Variants in STARD4 observed in about 807,000 individuals in gnomAD.
STARD4 encodes the protein StAR related lipid transfer domain containing 4, also known as stAR-related lipid transfer protein 4.
STARD4 carries 33 observed loss-of-function variants against 24.9 expected under a neutral mutation model. That is an observed-to-expected ratio of 1.32 (90% CI 1.00 to 1.77). The LOEUF (loss-of-function observed/expected upper bound fraction) is 1.77. STARD4 is among the 40% of genes most tolerant of loss of function. The pLI is 0.00. For synonymous variants in STARD4, 88 were observed against 77.4 expected, an observed-to-expected ratio of 1.14 and a Z score of -0.72; for missense variants, 238 against 249.3, an observed-to-expected ratio of 0.95 and a Z score of 0.31.
chr5:111,500,278 C>G, intron 5 of STARD4, 172 bp from the exon 6 acceptor site: 1 of 1,343,290 alleles, frequency 7.4e-7, no homozygotes. Context: ...AAGGAGAATT[C>G]TGACAAGAGG....
chr5:111,501,007 G>T lies in STARD4; in HGVS notation c.392C>A (p.Ser131Tyr). Residue 131 changes from serine to tyrosine, a missense_variant, in exon 5 of 6, where the codon TCT becomes TAT. Transcript: ENST00000296632. ...TAACATGTTGAGATTATTACCACAA[G>T]ATAAAAGCCCTTCTTTATAGCCCAC... ...YTVGYKEGLL[S>Y]CGISLDWDEK... 6.2e-7 allele frequency: 1 copy of T among 1,613,586 alleles called. No individual in the cohort carries two copies. The highest frequency in any genetic ancestry group is 8.5e-7 in the Non-Finnish European group (1 of 1,179,782).
chr5:111,500,773 C>T, intron 5 of STARD4: 5 of 1,436,578 alleles, frequency 3.5e-6, no homozygotes, highest in Non-Finnish European at 4.5e-6. Flanking sequence ...ACATTTGCTA[C>T]CTCTGACCTA....
intron 3 of STARD4, among the ~76,000 whole-genome samples, chr5:111,503,238 C>T (rs1756596271): frequency 6.6e-6 from 1 of 152,124 alleles, no homozygotes; most frequent in Non-Finnish European, 1.5e-5. Context: ...AATGGTGTGC[C>T]TAGATTCAAT....
chr5:111,504,725 G>A (rs1717031114), intron 3 of STARD4, among the ~76,000 whole-genome samples: 4 of 152,116 alleles, frequency 2.6e-5, no homozygotes. Flanking sequence ...GTAGAAGGAG[G>A]TAAAACAAAT....
chr5:111,502,040 G>T lies in STARD4; in HGVS notation c.204C>A (p.Asp68Glu), dbSNP rs762092221. The T allele has an allele frequency of 2.5e-6, 4 of 1,614,080 alleles. No individual in the cohort carries two copies. The highest frequency in any genetic ancestry group is 1.1e-5 in the South Asian group (1 of 91,076). Residue 68 changes from aspartate (D) to glutamate (E), a missense_variant, in exon 4 of 6, where the codon GAC becomes GAA. Physicochemically the swap from Asp to Glu is conservative, Grantham distance 45. Transcript: ENST00000296632. ...VIDDLVYSII[D>E]HIRPGPCRLD... ...AACGACAAGGCCCTGGGCGTATATG[G>T]TCTATTATACTATAGACAAGGTCAT... is the stretch of plus-strand genomic sequence containing the variant.
intron 5 of STARD4, chr5:111,500,722 C>G (rs1465606268): frequency 7.2e-7 from 1 of 1,388,320 alleles, no homozygotes; most frequent in Non-Finnish European, 9.3e-7. Flanking sequence ...AGAAGAAAAT[C>G]CATTTACTAG....
chr5:111,509,027 C>T (rs1206504194), intron 1 of STARD4, among the ~76,000 whole-genome samples: 1 of 151,782 alleles, frequency 6.6e-6, no homozygotes, highest in Non-Finnish European at 1.5e-5. Context: ...AGATCCAATC[C>T]ACGGATGAAA....
At position 111,501,999 on chromosome 5, in the gene STARD4, A is replaced by T; in HGVS notation, c.245T>A (p.Leu82Ter). The T allele has an allele frequency of 6.2e-7, 1 of 1,614,204 alleles. No individual in the cohort carries two copies. The highest frequency in any genetic ancestry group is 8.5e-7 in the Non-Finnish European group (1 of 1,180,034). The change falls in exon 4 of 6, where the codon TTG (leucine) becomes TAG (stop). Residue 82 changes from leucine to a stop codon, truncating the protein, a stop_gained. Transcript: ENST00000296632. LOFTEE classifies it high-confidence loss of function. ...PGPCRLDWDSLMTSLDILENF... is the reference protein window; with the variant it reads ...PGPCRLDWDS ...CTCCAGAATATCCAAAGAAGTCATCAAGCTGTCCCAATCCAAACGACAAGG... is the reference window on the plus strand; with the variant it reads ...CTCCAGAATATCCAAAGAAGTCATCTAGCTGTCCCAATCCAAACGACAAGG...
At chr5:111,510,078 G>A (rs1460926598) in intron 1 of STARD4, among the ~76,000 whole-genome samples, 1 of 152,140 alleles carries the variant, frequency 6.6e-6, no homozygotes, top group Non-Finnish European at 1.5e-5. Flanking sequence ...GGAAGAGAAA[G>A]AAGTACAAAA....
rs1310135683 is a variant in STARD4, at chr5:111,497,720, C to A, written c.*2166G>T. 2.0e-5 allele frequency: 3 copies of A among 151,990 alleles called. No individual in the cohort carries two copies. In the East Asian group the frequency reaches 5.8e-4, roughly 29 times the overall value. 9.4% of individuals were successfully genotyped at this position (151,990 alleles called of 1,614,324 possible). Reference sequence around the variant, plus strand: ...CTATCCTACAGCATTGCTATAGAAGCAGCGGACTCAATTATTTATGTTAAT... The same window carrying A: ...CTATCCTACAGCATTGCTATAGAAGAAGCGGACTCAATTATTTATGTTAAT... On this transcript the variant is annotated 3_prime_UTR_variant, in exon 6 of 6. Coordinates refer to ENST00000296632, the MANE Select transcript of STARD4 (RefSeq NM_139164.3).
chr5:111,507,412 C>T lies in STARD4; in HGVS notation c.22G>A (p.Ala8Thr). ...TTTTTAAGTTTAGTTGCAAAAGAAG[C>T]AACATCAGACAGGCCTTCCATTACT... MEGLSDV[A>T]SFATKLKNTL... The change falls in exon 2 of 6, where the codon GCT becomes ACT. Residue 8 changes from alanine to threonine, a missense_variant. Coordinates refer to ENST00000296632, the MANE Select transcript of STARD4 (RefSeq NM_139164.3). The surrounding 1 kb of genome is among the most constrained non-coding windows in gnomAD (Gnocchi z 4.4). 6.2e-7 allele frequency: 1 copy of T among 1,613,468 alleles called. No individual in the cohort carries two copies.
chr5:111,505,128 T>C (rs1756759992), intron 3 of STARD4: 1 of 429,516 alleles, frequency 2.3e-6, no homozygotes, highest in African/African-American at 2.1e-5. Flanking sequence ...AACTCTTTCA[T>C]TCCTTAAGAA....
chr5:111,509,687 C>T (rs1420701618), intron 1 of STARD4, among the ~76,000 whole-genome samples: 2 of 152,070 alleles, frequency 1.3e-5, no homozygotes, highest in African/African-American at 4.8e-5. Context: ...TATTAATTCT[C>T]CTTACGTCTA....
chr5:111,504,709 C>T (rs141814038), intron 3 of STARD4, among the ~76,000 whole-genome samples: 8 of 152,284 alleles, frequency 5.3e-5, no homozygotes, highest in African/African-American at 1.9e-4. Context: ...TATTCTTTAA[C>T]TTGGGGTAGA....
chr5:111,504,904 G>A (rs1756736082), intron 3 of STARD4: 1 of 422,348 alleles, frequency 2.4e-6, no homozygotes, highest in Non-Finnish European at 4.7e-6. Context: ...GGTTATCATT[G>A]CCACCACCAT....
Position 111,499,650 on chromosome 5 carries a change from TC to T in STARD4, c.*235del. 2 of 506,798 alleles carry T rather than the reference TC, an allele frequency of 3.9e-6. No homozygotes were observed. The highest frequency in any genetic ancestry group is 7.1e-6 in the Non-Finnish European group (2 of 282,992). The allele number at this position is 506,798 out of a possible 1,614,324, so 31.4% of individuals were successfully genotyped here. On this transcript the variant is annotated 3_prime_UTR_variant, in exon 6 of 6. Coordinates refer to ENST00000296632, the MANE Select transcript of STARD4 (RefSeq NM_139164.3). ...GTGAGCTGTGATCATACCACTGCCCTCCAGCATGGGCAACAGAGTGAGAGCC... is the reference window on the plus strand; with the variant it reads ...GTGAGCTGTGATCATACCACTGCCCTCAGCATGGGCAACAGAGTGAGAGCC...
In STARD4 at chr5:111,498,891, C is replaced by T. The variant is rs1035845217; in HGVS notation, c.*995G>A. ...CTTTGATTTATTCTTTCTTTACACT[C>T]AAGAAAACACAATAAAGTAAAACAC... On this transcript the variant is annotated 3_prime_UTR_variant, in exon 6 of 6. Transcript: ENST00000296632. The T allele has an allele frequency of 3.3e-5, 5 of 152,124 alleles. No homozygotes were observed. Among genetic ancestry groups the T allele is most frequent in the Non-Finnish European group, 5.9e-5 (4 of 68,012 alleles). 9.4% of individuals were successfully genotyped at this position (152,124 alleles called of 1,614,324 possible). A position where few individuals can be genotyped will look rare whatever the true frequency, so the allele number is the denominator to read the frequency against.
chr5:111,511,230 C>G (rs1213256745), intron 1 of STARD4, among the ~76,000 whole-genome samples: 2 of 151,976 alleles, frequency 1.3e-5, no homozygotes, highest in East Asian at 3.9e-4. Flanking sequence ...AAGTATATTT[C>G]TACAATATGA....
At position 111,499,673 on chromosome 5, in the gene STARD4, A is replaced by G; in HGVS notation, c.*213T>C. Reference sequence around the variant, plus strand: ...CCTCCAGCATGGGCAACAGAGTGAGAGCCTGTCTCAAAATTTAAAAAAAAA... The same window carrying G: ...CCTCCAGCATGGGCAACAGAGTGAGGGCCTGTCTCAAAATTTAAAAAAAAA... On this transcript the variant is annotated 3_prime_UTR_variant, in exon 6 of 6. Coordinates refer to ENST00000296632, the MANE Select transcript of STARD4 (RefSeq NM_139164.3). 1 of 548,734 alleles carries G rather than the reference A, an allele frequency of 1.8e-6. No homozygotes were observed. Among genetic ancestry groups the G allele is most frequent in the Non-Finnish European group, 3.2e-6 (1 of 308,642 alleles). The allele number at this position is 548,734 out of a possible 1,614,324, so 34.0% of individuals were successfully genotyped here.
Sources: allele counts gnomAD v4.1 joint callset (sites outside exome capture counted in the v4.1 genomes callset), GRCh38; gene constraint gnomAD v4.1.1; non-coding constraint Gnocchi (gnomAD v3.1); transcripts MANE v1.5; gene names NCBI Gene and HGNC (gene_info 2026-07-23, HGNC 2026-07-21).